CSMD1: variants seen among roughly 807,000 people sequenced by gnomAD.
CSMD1 encodes the protein CUB and sushi domain-containing protein 1.
In CSMD1, 213 loss-of-function variants were observed where a neutral mutation model predicts 417.5. The ratio of observed to expected loss-of-function variants is 0.51; its 90% confidence interval spans 0.46 to 0.57. The LOEUF is 0.57. Among genes scored for constraint, CSMD1 ranks in the 20% least tolerant of loss-of-function variants. CSMD1 has a pLI of 0.00. For missense variants in CSMD1, 6,923 were observed against 4,529.7 expected, an observed-to-expected ratio of 1.53 and a Z score of -15.17; for synonymous variants, 2,862 against 1,736.8, an observed-to-expected ratio of 1.65 and a Z score of -16.11.
intron 3 of CSMD1, among the ~76,000 whole-genome samples, chr8:4,143,506 AG>A (rs1803921509): frequency 6.6e-6 from 1 of 150,934 alleles, no homozygotes; most frequent in South Asian, 2.1e-4. Flanking sequence ...GTTAAACTAA[AG>A]AAGAAGTTGA....
chr8:3,207,528 ATATTAATTG>A (rs1563143265), intron 30 of CSMD1, among the ~76,000 whole-genome samples: 2 of 152,164 alleles, frequency 1.3e-5, no homozygotes. Context: ...ATTATGTTAA[ATATTAATTG>A]ATGGACAGAA....
intron 3 of CSMD1, among the ~76,000 whole-genome samples, chr8:4,412,400 C>T (rs1438573512): frequency 1.3e-5 from 2 of 152,190 alleles, no homozygotes; most frequent in Admixed American, 1.3e-4. Flanking sequence ...ATGTGTTGCG[C>T]TGGCTCCTCC....
chr8:3,432,676 C>T (rs1814291845), intron 12 of CSMD1, among the ~76,000 whole-genome samples: 1 of 151,932 alleles, frequency 6.6e-6, no homozygotes, highest in South Asian at 2.1e-4. Context: ...CCACCACACC[C>T]AGCTAATTTT....
chr8:3,118,699 T>G, intron 41 of CSMD1, 112 bp from the exon 42 acceptor site: 1 of 875,118 alleles, frequency 1.1e-6, no homozygotes, highest in South Asian at 1.7e-5. Context: ...GTTGGATAAG[T>G]TTAATAAGGT....
intron 2 of CSMD1, among the ~76,000 whole-genome samples, chr8:4,631,082 G>C (rs987608173): frequency 6.6e-6 from 1 of 152,154 alleles, no homozygotes; most frequent in Non-Finnish European, 1.5e-5. Flanking sequence ...TAAAATGAAG[G>C]CCAGGTGCGG....
chr8:4,262,042 G>C (rs1285006760), intron 3 of CSMD1, among the ~76,000 whole-genome samples: 1 of 152,040 alleles, frequency 6.6e-6, no homozygotes, highest in African/African-American at 2.4e-5. Context: ...CCTTATTATT[G>C]TCCCATATTT....
At chr8:3,609,534 T>A (rs978614026) in intron 8 of CSMD1, among the ~76,000 whole-genome samples, 1 of 152,136 alleles carries the variant, frequency 6.6e-6, no homozygotes, top group African/African-American at 2.4e-5. Flanking sequence ...GAAAAGGGAT[T>A]TCTCAAGAAC....
At chr8:4,411,386 G>A (rs1384754786) in intron 3 of CSMD1, among the ~76,000 whole-genome samples, 1 of 151,942 alleles carries the variant, frequency 6.6e-6, no homozygotes, top group East Asian at 1.9e-4. Flanking sequence ...CAGCCACAGT[G>A]CTGGTCTTAG....
chr8:4,407,300 C>T (rs955905805), intron 3 of CSMD1, among the ~76,000 whole-genome samples: 1 of 152,154 alleles, frequency 6.6e-6, no homozygotes, highest in African/African-American at 2.4e-5. Flanking sequence ...AATAAAATCA[C>T]TGCTATAATA....
rs540582401 is a variant in CSMD1, at chr8:4,433,204, C to T, written c.303-13139G>A. On this transcript the variant is annotated intron_variant, in intron 2 of 69. Coordinates refer to ENST00000635120, the MANE Select transcript of CSMD1 (RefSeq NM_033225.6). ...TGTATAACTATTTCGTTGTGTATTA[C>T]AATATAATAATATTACAAATAAAGT... Among the ~76,000 whole-genome samples the T allele has an allele frequency of 2.0e-5, 3 of 152,162 alleles. No individual in the cohort carries two copies. The South Asian group carries it at 6.2e-4, about 32-fold the overall frequency.
chr8:4,742,711 C>A (rs1015536578), intron 1 of CSMD1, among the ~76,000 whole-genome samples: 1 of 151,940 alleles, frequency 6.6e-6, no homozygotes, highest in African/African-American at 2.4e-5. Flanking sequence ...ATTAAAGATG[C>A]AAATGTGAAA....
intron 10 of CSMD1, among the ~76,000 whole-genome samples, chr8:3,553,390 G>C (rs550577017): frequency 1.3e-5 from 2 of 152,190 alleles, no homozygotes; most frequent in African/African-American, 2.4e-5. Flanking sequence ...GAAACAGACA[G>C]AGTGTGACAG....
chr8:4,422,035 G>C (rs1479851643), intron 2 of CSMD1, among the ~76,000 whole-genome samples: 3 of 151,956 alleles, frequency 2.0e-5, no homozygotes, highest in Non-Finnish European at 2.9e-5. Flanking sequence ...ATGTAAAATT[G>C]GCAACTAAGA....
chr8:3,086,216 C>G (rs908737794), intron 49 of CSMD1, among the ~76,000 whole-genome samples: 2 of 152,142 alleles, frequency 1.3e-5, no homozygotes, highest in African/African-American at 2.4e-5. Context: ...TCATTCTAAT[C>G]ATTCCTAATG....
At chr8:3,477,825 G>A (rs181962493) in intron 11 of CSMD1, among the ~76,000 whole-genome samples, 190 of 152,254 alleles carry the variant, frequency 1.2e-3, no homozygotes, top group African/African-American at 4.4e-3. Context: ...GCACCTAGCC[G>A]GGTTCCCAGG....
intron 1 of CSMD1, among the ~76,000 whole-genome samples, chr8:4,661,408 A>T (rs1047894633): frequency 2.0e-5 from 3 of 152,210 alleles, no homozygotes; most frequent in Non-Finnish European, 4.4e-5. Flanking sequence ...ATGCTATAGG[A>T]TTCGATTTTT....
At chr8:4,148,580 G>C (rs1292092823) in intron 3 of CSMD1, among the ~76,000 whole-genome samples, 2 of 152,066 alleles carry the variant, frequency 1.3e-5, no homozygotes, top group Non-Finnish European at 2.9e-5. Context: ...AGCTCTAGGA[G>C]ACCAGCTGTC....
intron 5 of CSMD1, among the ~76,000 whole-genome samples, chr8:3,801,521 C>T (rs982711005): frequency 2.6e-5 from 4 of 152,022 alleles, no homozygotes; most frequent in African/African-American, 7.2e-5. Context: ...TGTTGCTTGT[C>T]GGAAAGTAAA....
chr8:3,692,187 T>A (rs751594463), intron 7 of CSMD1, among the ~76,000 whole-genome samples: 4 of 152,202 alleles, frequency 2.6e-5, no homozygotes, highest in Non-Finnish European at 5.9e-5. Context: ...TCTCCTGACT[T>A]TACGTTGTTA....
Sources: gnomAD v4.1 joint callset for allele counts (sites outside exome capture counted in the v4.1 genomes callset) on GRCh38, gnomAD v4.1.1 for gene constraint, MANE v1.5 for transcripts, NCBI Gene and HGNC (gene_info 2026-07-23, HGNC 2026-07-21) for gene names.